Variants in GPC6 observed in about 807,000 individuals in gnomAD.
The protein encoded by GPC6 is glypican-6.
Under a neutral mutation model 55.2 loss-of-function variants are expected in GPC6, and 14 were observed. The ratio of observed to expected loss-of-function variants is 0.25; its 90% confidence interval spans 0.17 to 0.40. The LOEUF (loss-of-function observed/expected upper bound fraction) is 0.40. Among genes scored for constraint, GPC6 ranks in the 10% least tolerant of loss-of-function variants. The pLI is 1.00. For synonymous variants in GPC6, 278 were observed against 259.6 expected, an observed-to-expected ratio of 1.07 and a Z score of -0.68; for missense variants, 641 against 708.5, an observed-to-expected ratio of 0.90 and a Z score of 1.08.
At chr13:94,392,366 G>T (rs2389093) in intron 7 of GPC6, among the ~76,000 whole-genome samples, 99,067 of 148,802 alleles carry the variant, frequency 0.67, 33,442 homozygotes, top group African/African-American at 0.76. Context: ...CTTGGTACTT[G>T]GGGTGTGTAT....
chr13:93,744,525 AGTCTTTTTTTTT>A (rs1884319341), intron 2 of GPC6, among the ~76,000 whole-genome samples: 1 of 49,104 alleles, frequency 2.0e-5, no homozygotes, highest in Non-Finnish European at 3.6e-5. Flanking sequence ...TGCTTTCCCT[AGTCTTTTTTTTT>A]TTTTTTTTTT....
chr13:93,568,288 C>G (rs966062310), intron 2 of GPC6, among the ~76,000 whole-genome samples: 2 of 152,090 alleles, frequency 1.3e-5, no homozygotes, highest in Non-Finnish European at 2.9e-5. Context: ...ATCTTATTAA[C>G]TAGGGAAAGA....
Position 94,404,689 on chromosome 13 carries a change from G to C in GPC6, c.*1472G>C, listed in dbSNP as rs562122626. 1.1e-4 allele frequency: 16 copies of C among 152,192 alleles called. No individual in the cohort carries two copies. Among genetic ancestry groups the C allele is most frequent in the Non-Finnish European group, 2.2e-4 (15 of 68,038 alleles). The allele number at this position is 152,192 out of a possible 1,614,324, so 9.4% of individuals were successfully genotyped here. On this transcript the variant is annotated 3_prime_UTR_variant, in exon 9 of 9. Transcript: ENST00000377047. ...CAGGGCTTTACCGGTGATGGAAACT[G>C]TATGTGTAAAGAATGTTATTCATGA...
chr13:94,228,347 A>C (rs1890619070), intron 4 of GPC6, among the ~76,000 whole-genome samples: 1 of 152,190 alleles, frequency 6.6e-6, no homozygotes, highest in Non-Finnish European at 1.5e-5. Context: ...CACCCTTAAC[A>C]CAAATACATG....
At chr13:93,382,001 T>G (rs1023181016) in intron 1 of GPC6, among the ~76,000 whole-genome samples, 1 of 152,168 alleles carries the variant, frequency 6.6e-6, no homozygotes, top group Admixed American at 6.6e-5. Flanking sequence ...CTATGTCCAA[T>G]TTGAATTTAC....
At chr13:93,488,116 C>G (rs1333097839) in intron 1 of GPC6, among the ~76,000 whole-genome samples, 2 of 152,120 alleles carry the variant, frequency 1.3e-5, no homozygotes, top group Non-Finnish European at 2.9e-5. Context: ...CTATCCCTCC[C>G]CCCTCCTTTC....
chr13:94,169,638 A>G (rs911769648), intron 4 of GPC6, among the ~76,000 whole-genome samples: 6 of 152,212 alleles, frequency 3.9e-5, no homozygotes, highest in Non-Finnish European at 8.8e-5. Flanking sequence ...TTACAAAGGC[A>G]TATTAGAAAG....
intron 4 of GPC6, among the ~76,000 whole-genome samples, chr13:94,049,752 A>G (rs1014089422): frequency 6.6e-6 from 1 of 152,142 alleles, no homozygotes; most frequent in Non-Finnish European, 1.5e-5. Context: ...TCTTTAATTT[A>G]TCACAGTGTA....
chr13:93,745,771 G>A (rs978819873), intron 2 of GPC6, among the ~76,000 whole-genome samples: 4 of 152,106 alleles, frequency 2.6e-5, no homozygotes, highest in African/African-American at 4.8e-5. Context: ...CCCATCCTAC[G>A]ATGTCTATGT....
chr13:94,356,091 C>G (rs1220667770), intron 6 of GPC6, among the ~76,000 whole-genome samples: 1 of 152,198 alleles, frequency 6.6e-6, no homozygotes, highest in East Asian at 1.9e-4. Context: ...GTCCCTGCAG[C>G]TCCATCCATG....
intron 4 of GPC6, among the ~76,000 whole-genome samples, chr13:94,164,082 A>G (rs1489203908): frequency 2.0e-5 from 3 of 152,186 alleles, no homozygotes; most frequent in East Asian, 1.9e-4. Flanking sequence ...CACTTACAAG[A>G]CTTTAGATCA....
At chr13:93,754,989 C>T (rs1196793819) in intron 2 of GPC6, among the ~76,000 whole-genome samples, 1 of 152,156 alleles carries the variant, frequency 6.6e-6, no homozygotes, top group Non-Finnish European at 1.5e-5. Context: ...TTTACACGTA[C>T]ATGTACTAAT....
At position 94,407,624 on chromosome 13, in the gene GPC6, C is replaced by T. The variant is rs1275765596; in HGVS notation, c.*4407C>T. On this transcript the variant is annotated 3_prime_UTR_variant, in exon 9 of 9. Transcript: ENST00000377047. ...GCTTCCCAAATGTGTATGGAAAATA[C>T]TGTAGCGCTGTTCTTTTGTACTGAT... Among the ~76,000 whole-genome samples the T allele has an allele frequency of 6.6e-6, 1 of 152,100 alleles. No homozygotes were observed. Among genetic ancestry groups the T allele is most frequent in the African/African-American group, 2.4e-5 (1 of 41,434 alleles).
chr13:94,336,879 TAAATC>T (rs1453267794), intron 6 of GPC6, among the ~76,000 whole-genome samples: 1 of 152,156 alleles, frequency 6.6e-6, no homozygotes, highest in Non-Finnish European at 1.5e-5. Context: ...AAAAAATAAA[TAAATC>T]CAGAGTGTGA....
chr13:93,699,396 G>A (rs2138792344), intron 2 of GPC6, among the ~76,000 whole-genome samples: 1 of 152,246 alleles, frequency 6.6e-6, no homozygotes, highest in Non-Finnish European at 1.5e-5. Context: ...GGGAAGTGGA[G>A]TGGAGGAGTG....
chr13:94,158,339 T>C (rs952328531), intron 4 of GPC6, among the ~76,000 whole-genome samples: 3 of 151,244 alleles, frequency 2.0e-5, no homozygotes, highest in Admixed American at 1.3e-4. Context: ...ATAGTTTGAG[T>C]TGAATAATTA....
intron 4 of GPC6, among the ~76,000 whole-genome samples, chr13:94,051,750 G>A (rs1883955943): frequency 6.6e-6 from 1 of 151,936 alleles, no homozygotes; most frequent in African/African-American, 2.4e-5. Flanking sequence ...CTTTCAACAT[G>A]GCTTCAAGGA....
chr13:93,420,863 G>A (rs1876896942), intron 1 of GPC6, among the ~76,000 whole-genome samples: 1 of 152,094 alleles, frequency 6.6e-6, no homozygotes. Flanking sequence ...AGGAGGTTCA[G>A]TAGTGTTAAG....
At chr13:94,165,587 A>G (rs1180088309) in intron 4 of GPC6, among the ~76,000 whole-genome samples, 3 of 152,120 alleles carry the variant, frequency 2.0e-5, no homozygotes, top group Non-Finnish European at 2.9e-5. Flanking sequence ...ACAAATCACC[A>G]CTAAAGAACT....
Sources: allele counts gnomAD v4.1 joint callset (sites outside exome capture counted in the v4.1 genomes callset), GRCh38; gene constraint gnomAD v4.1.1; transcripts MANE v1.5; gene names NCBI Gene and HGNC (gene_info 2026-07-23, HGNC 2026-07-21).